Variants in RAB30 observed in about 807,000 individuals in gnomAD.
The protein encoded by RAB30 is RAB30, member RAS oncogene family, also known as ras-related protein Rab-30.
A neutral mutation model predicts 25.1 loss-of-function variants in RAB30; 9 were observed. That is an observed-to-expected ratio of 0.36 (90% CI 0.22 to 0.63). RAB30 has a LOEUF of 0.63. Among genes scored for constraint, RAB30 ranks in the 20% least tolerant of loss-of-function variants. The pLI is 0.69. For synonymous variants in RAB30, 77 were observed against 86.4 expected (o/e 0.89, Z 0.60); for missense variants, 140 against 243.5 (o/e 0.58, Z 2.83).
At chr11:83,036,349 T>C (rs1857987030) in intron 1 of RAB30, among the ~76,000 whole-genome samples, 1 of 152,074 alleles carries the variant, frequency 6.6e-6, no homozygotes, top group East Asian at 1.9e-4. Context: ...GTATTTTTAA[T>C]GGAGACAAGG....
chr11:83,047,740 G>C (rs2121517221), intron 1 of RAB30, among the ~76,000 whole-genome samples: 1 of 152,098 alleles, frequency 6.6e-6, no homozygotes, highest in South Asian at 2.1e-4. Context: ...TAAACCTCTT[G>C]CTGATTCAAA....
chr11:83,071,875 G>C lies in RAB30; in HGVS notation c.-193C>G, dbSNP rs916178885. On this transcript the variant is annotated 5_prime_UTR_variant, in exon 1 of 5. Transcript: ENST00000527633. Reference sequence around the variant, plus strand: ...CAATCGCAAGCCCAGCAGCAGCAGGGGGTGGAGAGACCGTAGCACAATGAA... The same window carrying C: ...CAATCGCAAGCCCAGCAGCAGCAGGCGGTGGAGAGACCGTAGCACAATGAA... 7.8e-6 allele frequency: 3 copies of C among 383,084 alleles called. No individual in the cohort carries two copies. The highest frequency in any genetic ancestry group is 9.2e-6 in the Non-Finnish European group (2 of 216,868). The allele number at this position is 383,084 out of a possible 1,614,324, so 23.7% of individuals were successfully genotyped here.
intron 1 of RAB30, among the ~76,000 whole-genome samples, chr11:83,037,425 T>C (rs12361672): frequency 0.051 from 7,700 of 152,100 alleles, 282 homozygotes; most frequent in East Asian, 0.11. Flanking sequence ...AATTTTTGTA[T>C]TTTTAGTAGA....
At chr11:83,026,522 C>T (rs1444460108) in intron 1 of RAB30, among the ~76,000 whole-genome samples, 2 of 152,192 alleles carry the variant, frequency 1.3e-5, no homozygotes, top group Non-Finnish European at 2.9e-5. Flanking sequence ...CTCCCGGTCA[C>T]CTTCTGTCAT....
At position 83,065,617 on chromosome 11, in the gene RAB30, T is replaced by C. The variant is rs186488182; in HGVS notation, c.-9+6074A>G. On this transcript the variant is annotated intron_variant, in intron 1 of 4. Transcript: ENST00000527633. ...CAAAAATTCTACATCAGTGATGTTGTGTACTTCCCATTGAATCAGGTTGTG... is the reference window on the plus strand; with the variant it reads ...CAAAAATTCTACATCAGTGATGTTGCGTACTTCCCATTGAATCAGGTTGTG... 6.6e-5 allele frequency among the ~76,000 whole-genome samples: 10 copies of C among 152,316 alleles called. No homozygotes were observed. The East Asian group carries it at 1.9e-3, about 29-fold the overall frequency.
intron 1 of RAB30, among the ~76,000 whole-genome samples, chr11:83,011,849 C>T (rs1277318474): frequency 6.6e-6 from 1 of 152,158 alleles, no homozygotes; most frequent in Non-Finnish European, 1.5e-5. Context: ...GGCTGTCCTT[C>T]TTCCATTCTG....
At chr11:83,016,034 A>G (rs1350319185) in intron 1 of RAB30, among the ~76,000 whole-genome samples, 2 of 152,040 alleles carry the variant, frequency 1.3e-5, no homozygotes, top group Admixed American at 1.3e-4. Flanking sequence ...GCTACTGAGG[A>G]GGCTGAGGCA....
intron 1 of RAB30, among the ~76,000 whole-genome samples, chr11:83,057,936 C>T (rs766640630): frequency 9.2e-5 from 14 of 152,168 alleles, no homozygotes; most frequent in Non-Finnish European, 1.6e-4. Flanking sequence ...TCCTACAATG[C>T]CAGCCTGTAC....
At chr11:83,053,827 T>C (rs948215023) in intron 1 of RAB30, among the ~76,000 whole-genome samples, 9 of 152,210 alleles carry the variant, frequency 5.9e-5, no homozygotes, top group Admixed American at 2.6e-4. Context: ...TTATGGTTCA[T>C]GCCTGTAATC....
At chr11:83,039,452 G>C (rs1858055801) in intron 1 of RAB30, among the ~76,000 whole-genome samples, 1 of 152,232 alleles carries the variant, frequency 6.6e-6, no homozygotes, top group Non-Finnish European at 1.5e-5. Context: ...GCCAAGGCAG[G>C]CAGATAACTT....
At chr11:83,009,960 TCTCA>T (rs1438319608) in intron 1 of RAB30, among the ~76,000 whole-genome samples, 3 of 152,294 alleles carry the variant, frequency 2.0e-5, no homozygotes, top group South Asian at 4.1e-4. Flanking sequence ...AGAGATGTGG[TCTCA>T]CTATGTTGTC....
intron 1 of RAB30, among the ~76,000 whole-genome samples, chr11:83,051,719 C>A (rs1310831590): frequency 6.6e-6 from 1 of 152,002 alleles, no homozygotes; most frequent in East Asian, 1.9e-4. Context: ...TCCCCACCCT[C>A]ATTTCATTCT....
chr11:83,048,866 C>T (rs1361108678), intron 1 of RAB30, among the ~76,000 whole-genome samples: 1 of 152,216 alleles, frequency 6.6e-6, no homozygotes, highest in African/African-American at 2.4e-5. Flanking sequence ...GCTGTAAGCC[C>T]TGCTGCTGGG....
intron 2 of RAB30, 25 bp downstream of exon 2, chr11:82,997,199 C>A (rs770021822): frequency 2.5e-6 from 4 of 1,570,060 alleles, no homozygotes; most frequent in Non-Finnish European, 3.5e-6. Context: ...CCTGGGCTTA[C>A]GAGTTCCCTT....
chr11:82,978,786 G>A lies in RAB30; in HGVS notation c.*3379C>T, dbSNP rs141058771. ...AACCCAGTCCTTTGCTAAATCTGGC[G>A]TCTCTGGCCAAATCTAAACGGCTTA... On this transcript the variant is annotated 3_prime_UTR_variant, in exon 5 of 5. Transcript: ENST00000527633. The A allele has an allele frequency of 2.0e-3, 301 of 152,248 alleles. No individual in the cohort carries two copies. The highest frequency in any genetic ancestry group is 6.8e-3 in the African/African-American group (282 of 41,558). The allele number at this position is 152,248 out of a possible 1,614,324, so 9.4% of individuals were successfully genotyped here. A position where few individuals can be genotyped will look rare whatever the true frequency, so the allele number is the denominator to read the frequency against.
At chr11:83,026,265 A>G (rs936648168) in intron 1 of RAB30, among the ~76,000 whole-genome samples, 7 of 152,314 alleles carry the variant, frequency 4.6e-5, no homozygotes, top group African/African-American at 1.7e-4. Flanking sequence ...TGAGTAGAAT[A>G]GGATACGTGA....
At chr11:83,021,309 G>A (rs1857572727) in intron 1 of RAB30, among the ~76,000 whole-genome samples, 1 of 152,234 alleles carries the variant, frequency 6.6e-6, no homozygotes, top group Non-Finnish European at 1.5e-5. Context: ...TATGAGTGAA[G>A]AGGAGAGACG....
At chr11:83,041,419 A>G in intron 1 of RAB30, 1 of 186,850 alleles carries the variant, frequency 5.4e-6, no homozygotes, top group Non-Finnish European at 1.2e-5. Flanking sequence ...TGGAGCCTAC[A>G]CTGGGGACAG....
chr11:83,002,285 C>T (rs1438134642), intron 1 of RAB30, among the ~76,000 whole-genome samples: 2 of 152,210 alleles, frequency 1.3e-5, no homozygotes, highest in Non-Finnish European at 2.9e-5. Flanking sequence ...TCAGATTACA[C>T]AAGCGCTGCT....
Sources: allele counts gnomAD v4.1 joint callset (sites outside exome capture counted in the v4.1 genomes callset), GRCh38; gene constraint gnomAD v4.1.1; transcripts MANE v1.5; gene names NCBI Gene and HGNC (gene_info 2026-07-23, HGNC 2026-07-21).